DCC: variants seen among roughly 807,000 people sequenced by gnomAD.
DCC encodes the protein DCC netrin 1 receptor.
In DCC, 58 loss-of-function variants were observed where a neutral mutation model predicts 172.5. The ratio of observed to expected loss-of-function variants is 0.34; its 90% confidence interval spans 0.27 to 0.42. The LOEUF (loss-of-function observed/expected upper bound fraction) is 0.42, where lower values mean the gene tolerates loss of function less well. DCC is among the 10% of genes least tolerant of loss of function. The pLI is 1.00. For synonymous variants in DCC, 709 were observed against 644.5 expected, an observed-to-expected ratio of 1.10 and a Z score of -1.52; for missense variants, 1,740 against 1,791.0, an observed-to-expected ratio of 0.97 and a Z score of 0.51.
chr18:53,030,491 G>A (rs1385226021), intron 5 of DCC, among the ~76,000 whole-genome samples: 1 of 151,778 alleles, frequency 6.6e-6, no homozygotes, highest in East Asian at 1.9e-4. Flanking sequence ...ATGACAGGAA[G>A]CACTCTTCTT....
intron 5 of DCC, among the ~76,000 whole-genome samples, chr18:52,976,965 C>A (rs34324938): frequency 2.6e-5 from 4 of 152,052 alleles, no homozygotes; most frequent in Non-Finnish European, 5.9e-5. Flanking sequence ...TTAATTCATG[C>A]GATAAATTGT....
chr18:53,399,622 G>GCAGTGCTTGTCTAGT (rs1568107352), intron 18 of DCC, among the ~76,000 whole-genome samples: 4,251 of 34,256 alleles, frequency 0.12, 2,007 homozygotes, highest in Middle Eastern at 0.32. Context: ...AAATCAGAGG[G>GCAGTGCTTGTCTAGT]GGCCGGGCGC....
At chr18:53,183,068 C>T (rs1346820786) in intron 9 of DCC, among the ~76,000 whole-genome samples, 3 of 152,070 alleles carry the variant, frequency 2.0e-5, no homozygotes, top group Non-Finnish European at 4.4e-5. Context: ...AGTAATTGTA[C>T]ACTAAAATTA....
At chr18:52,843,764 T>C (rs897222217) in intron 2 of DCC, among the ~76,000 whole-genome samples, 8 of 152,184 alleles carry the variant, frequency 5.3e-5, no homozygotes, top group African/African-American at 1.7e-4. Flanking sequence ...GTCAACTGCT[T>C]ATGATGCCAA....
At chr18:52,717,959 A>G (rs1027349324) in intron 1 of DCC, among the ~76,000 whole-genome samples, 5 of 152,184 alleles carry the variant, frequency 3.3e-5, no homozygotes, top group African/African-American at 1.2e-4. Context: ...AAAAGAACAA[A>G]AAACCAAACG....
intron 24 of DCC, among the ~76,000 whole-genome samples, chr18:53,465,533 G>A (rs2045610303): frequency 6.6e-6 from 1 of 152,030 alleles, no homozygotes. Context: ...GTTTTAAGAA[G>A]CTGAACTGTG....
intron 5 of DCC, among the ~76,000 whole-genome samples, chr18:52,967,127 G>T (rs2040946074): frequency 6.6e-6 from 1 of 152,154 alleles, no homozygotes; most frequent in South Asian, 2.1e-4. Context: ...GTTTCTGTGG[G>T]TCTTAAGCCC....
intron 5 of DCC, among the ~76,000 whole-genome samples, chr18:53,058,954 C>T (rs1021691126): frequency 6.6e-6 from 1 of 151,994 alleles, no homozygotes; most frequent in Non-Finnish European, 1.5e-5. Flanking sequence ...AAATACATAC[C>T]TGAGACTGGG....
intron 7 of DCC, among the ~76,000 whole-genome samples, chr18:53,071,106 A>C (rs1369277449): frequency 1.3e-5 from 2 of 152,160 alleles, no homozygotes; most frequent in African/African-American, 4.8e-5. Context: ...AACCATAACA[A>C]TCTGCTTCTC....
At chr18:52,847,924 T>G (rs528098165) in intron 2 of DCC, among the ~76,000 whole-genome samples, 1 of 152,180 alleles carries the variant, frequency 6.6e-6, no homozygotes, top group Admixed American at 6.5e-5. Context: ...TTCTCCAGTT[T>G]TGGTATTTTG....
chr18:52,939,304 G>A (rs1279717528), intron 5 of DCC, among the ~76,000 whole-genome samples: 1 of 152,034 alleles, frequency 6.6e-6, no homozygotes, highest in Non-Finnish European at 1.5e-5. Context: ...CCTTTTTATG[G>A]GGGTTGTCCT....
intron 2 of DCC, among the ~76,000 whole-genome samples, chr18:52,776,384 G>A (rs1162101537): frequency 6.6e-6 from 1 of 152,006 alleles, no homozygotes; most frequent in African/African-American, 2.4e-5. Context: ...AGATATTTTA[G>A]TAGAAATTTT....
intron 2 of DCC, among the ~76,000 whole-genome samples, chr18:52,800,174 G>A (rs770046191): frequency 1.6e-4 from 25 of 152,090 alleles, no homozygotes; most frequent in Non-Finnish European, 8.8e-5. Flanking sequence ...GCATCCATGG[G>A]TCCTACTCAA....
At chr18:52,960,634 T>A (rs1256889657) in intron 5 of DCC, among the ~76,000 whole-genome samples, 1 of 152,092 alleles carries the variant, frequency 6.6e-6, no homozygotes, top group African/African-American at 2.4e-5. Flanking sequence ...ACAACATTGA[T>A]AGAGGATCAA....
At chr18:53,030,776 G>A (rs1281196742) in intron 5 of DCC, among the ~76,000 whole-genome samples, 2 of 152,154 alleles carry the variant, frequency 1.3e-5, no homozygotes, top group Non-Finnish European at 2.9e-5. Context: ...TCACTTCACT[G>A]GGGCCTAGGC....
At chr18:52,823,217 C>A (rs2038441826) in intron 2 of DCC, among the ~76,000 whole-genome samples, 1 of 152,026 alleles carries the variant, frequency 6.6e-6, no homozygotes, top group Admixed American at 6.6e-5. Flanking sequence ...ACCTATAAAC[C>A]CAGTACTTTG....
chr18:52,890,669 A>T (rs1254286872), intron 2 of DCC, among the ~76,000 whole-genome samples: 1 of 152,082 alleles, frequency 6.6e-6, no homozygotes, highest in African/African-American at 2.4e-5. Context: ...TATATCTAAG[A>T]CTCAGTTCCA....
At chr18:52,483,755 C>T (rs1043745218) in intron 1 of DCC, among the ~76,000 whole-genome samples, 1 of 152,032 alleles carries the variant, frequency 6.6e-6, no homozygotes, top group Non-Finnish European at 1.5e-5. Flanking sequence ...GAAAACCATG[C>T]TTTTCAGTTC....
intron 1 of DCC, among the ~76,000 whole-genome samples, chr18:52,413,705 A>G (rs989711987): frequency 6.6e-6 from 1 of 152,120 alleles, no homozygotes; most frequent in Non-Finnish European, 1.5e-5. Flanking sequence ...AAGGGGAAAA[A>G]CAAGCATACT....
Sources: allele counts gnomAD v4.1 joint callset (sites outside exome capture counted in the v4.1 genomes callset), GRCh38; gene constraint gnomAD v4.1.1; transcripts MANE v1.5; gene names NCBI Gene and HGNC (gene_info 2026-07-23, HGNC 2026-07-21).